SLU7: variants seen among roughly 807,000 people sequenced by gnomAD.
SLU7 encodes spliceosome associated SLU7.
SLU7 carries 60 observed loss-of-function variants against 87.0 expected under a neutral mutation model. The observed-to-expected ratio is 0.69, with a 90% CI of 0.56 to 0.86. The LOEUF is 0.86. SLU7 is among the 40% of genes least tolerant of loss of function. SLU7 has a pLI of 0.00. For synonymous variants in SLU7, 197 were observed against 222.0 expected (o/e 0.89, Z 1.00); for missense variants, 507 against 686.6 (o/e 0.74, Z 2.92).
intron 1 of SLU7, among the ~76,000 whole-genome samples, chr5:160,415,978 C>T (rs888692983): frequency 4.6e-5 from 7 of 152,076 alleles, no homozygotes; most frequent in Admixed American, 2.0e-4. Context: ...CTGCAACCTC[C>T]GCCTCCCAGG....
chr5:160,413,343 A>T, intron 5 of SLU7, 113 bp downstream of exon 5: 1 of 910,600 alleles, frequency 1.1e-6, no homozygotes, highest in Non-Finnish European at 1.7e-6. Flanking sequence ...TACTACTATT[A>T]TAAAAATGCT....
At position 160,407,336 on chromosome 5, in the gene SLU7, A is replaced by C; in HGVS notation, c.1125+140T>G. 1 of 699,006 alleles carries C rather than the reference A, an allele frequency of 1.4e-6. No individual in the cohort carries two copies. The highest frequency in any genetic ancestry group is 2.1e-5 in the South Asian group (1 of 48,114). The allele number at this position is 699,006 out of a possible 1,614,324, so 43.3% of individuals were successfully genotyped here. On this transcript the variant is annotated intron_variant, in intron 11 of 15. Coordinates refer to ENST00000297151, the MANE Select transcript of SLU7 (RefSeq NM_006425.5). The surrounding 1 kb of genome is among the most constrained non-coding windows in gnomAD (Gnocchi z 4.2). ...GCTCATACAAAATTACCATCTGACT[A>C]AGAGAAAGGAAGAAAAGGACTATTC...
chr5:160,417,388 T>C (rs564130732), intron 1 of SLU7: 3 of 152,154 alleles, frequency 2.0e-5, no homozygotes, highest in African/African-American at 7.2e-5. Flanking sequence ...AAATTTGAAT[T>C]AGAAAAAAAA....
intron 14 of SLU7, 71 bp from the exon 15 acceptor site, chr5:160,404,627 G>A (rs1266366140): frequency 9.2e-7 from 1 of 1,087,156 alleles, no homozygotes; most frequent in Admixed American, 2.1e-5. Flanking sequence ...TTGGGCGGCT[G>A]AGGCACAAGA....
intron 1 of SLU7, among the ~76,000 whole-genome samples, chr5:160,416,711 A>G (rs1765470327): frequency 6.6e-6 from 1 of 152,196 alleles, no homozygotes; most frequent in African/African-American, 2.4e-5. Context: ...CTACCACCCT[A>G]GTGTAAGTTA....
intron 14 of SLU7, 52 bp downstream of exon 14, chr5:160,404,757 A>T: frequency 7.8e-7 from 1 of 1,281,976 alleles, no homozygotes; most frequent in Non-Finnish European, 1.1e-6. Context: ...TGCAGGTTTT[A>T]AAGCCCTCCC....
rs1266302604 is a variant in SLU7 at position 160,407,628 on chromosome 5, A to C, written c.986-13T>G. Reference sequence around the variant, plus strand: ...TCCCATGCAAACACTAGAGTAATTCAAAACATCTTAGTGAGTTGGCAGCTG... The same window carrying C: ...TCCCATGCAAACACTAGAGTAATTCCAAACATCTTAGTGAGTTGGCAGCTG... On this transcript the variant is annotated splice_polypyrimidine_tract_variant and intron_variant, in intron 10 of 15. Coordinates refer to ENST00000297151, the MANE Select transcript of SLU7 (RefSeq NM_006425.5). The surrounding 1 kb of genome is among the most constrained non-coding windows in gnomAD (Gnocchi z 4.2). 1 of 1,607,320 alleles carries C rather than the reference A, an allele frequency of 6.2e-7. No individual in the cohort carries two copies. Among genetic ancestry groups the C allele is most frequent in the Non-Finnish European group, 8.5e-7 (1 of 1,177,998 alleles).
intron 14 of SLU7, 32 bp from the exon 15 acceptor site, chr5:160,404,588 A>T (rs759797293): frequency 3.5e-6 from 5 of 1,425,898 alleles, no homozygotes; most frequent in Non-Finnish European, 4.9e-6. Flanking sequence ...CAGTGTTATT[A>T]ATGTGAAAAC....
intron 1 of SLU7, among the ~76,000 whole-genome samples, chr5:160,416,097 C>T (rs1436346475): frequency 6.6e-6 from 1 of 152,100 alleles, no homozygotes; most frequent in Non-Finnish European, 1.5e-5. Context: ...TTTCACCACA[C>T]TGGCCAGGCT....
Sources: gnomAD v4.1 joint callset for allele counts (sites outside exome capture counted in the v4.1 genomes callset) on GRCh38, gnomAD v4.1.1 for gene constraint, Gnocchi (gnomAD v3.1) non-coding constraint, MANE v1.5 for transcripts, NCBI Gene and HGNC (gene_info 2026-07-23, HGNC 2026-07-21) for gene names.